The following NCALD variants were observed in gnomAD, a reference collection of about 807,000 sequenced individuals.
NCALD encodes neurocalcin delta, also known as neurocalcin-delta.
In NCALD, 10 loss-of-function variants were observed where a neutral mutation model predicts 18.6. The observed-to-expected ratio is 0.54, with a 90% CI of 0.33 to 0.91. The LOEUF (loss-of-function observed/expected upper bound fraction) is 0.91, where lower values mean the gene tolerates loss of function less well. Ranked by LOEUF, NCALD falls within the 40% of genes least tolerant of loss-of-function variation. The pLI is 0.03. For missense variants in NCALD, 184 were observed against 247.6 expected (o/e 0.74, Z 1.72); for synonymous variants, 88 against 87.4 (o/e 1.01, Z -0.04).
intron 4 of NCALD, among the ~76,000 whole-genome samples, chr8:101,855,603 A>G (rs1815283161): frequency 6.6e-6 from 1 of 152,184 alleles, no homozygotes; most frequent in Non-Finnish European, 1.5e-5. Context: ...TTGAATCTCA[A>G]GTTTAGAGGG....
intron 1 of NCALD, among the ~76,000 whole-genome samples, chr8:101,781,781 ATT>A (rs1268016328): frequency 6.6e-6 from 1 of 151,944 alleles, no homozygotes; most frequent in Non-Finnish European, 1.5e-5. Context: ...CTACCCAGGG[ATT>A]TGTTTTCTAT....
At chr8:102,042,806 T>G (rs1823098637) in intron 1 of NCALD, among the ~76,000 whole-genome samples, 1 of 148,130 alleles carries the variant, frequency 6.8e-6, no homozygotes, top group Non-Finnish European at 1.5e-5. Context: ...GCAGAGGGGG[T>G]TGGGGGATGT....
chr8:101,734,614 C>T (rs1816993691), intron 1 of NCALD, among the ~76,000 whole-genome samples: 1 of 152,188 alleles, frequency 6.6e-6, no homozygotes, highest in South Asian at 2.1e-4. Flanking sequence ...GCTTTTTGCT[C>T]TTCTGGATAA....
intron 3 of NCALD, among the ~76,000 whole-genome samples, chr8:101,888,863 G>A (rs1414265663): frequency 6.6e-6 from 1 of 152,160 alleles, no homozygotes; most frequent in Non-Finnish European, 1.5e-5. Flanking sequence ...TCAGCAGTGG[G>A]CAGGCATCCC....
chr8:101,700,059 C>CATTT (rs1484309417), intron 2 of NCALD, among the ~76,000 whole-genome samples: 2 of 112,144 alleles, frequency 1.8e-5, no homozygotes, highest in African/African-American at 2.8e-5. Context: ...TTTATTTATT[C>CATTT]ATTTATTTAT....
At chr8:101,950,437 G>A (rs890199957) in intron 2 of NCALD, 3 of 152,228 alleles carry the variant, frequency 2.0e-5, no homozygotes, top group African/African-American at 7.2e-5. Context: ...TTCATTGGAT[G>A]TCTTCTTAAG....
intron 4 of NCALD, among the ~76,000 whole-genome samples, chr8:101,844,167 A>G (rs918146132): frequency 1.3e-5 from 2 of 152,174 alleles, no homozygotes; most frequent in Admixed American, 1.3e-4. Context: ...GTGGAAGTGC[A>G]TATTCTCACT....
intron 4 of NCALD, among the ~76,000 whole-genome samples, chr8:101,857,331 C>T (rs1009979787): frequency 1.1e-4 from 17 of 152,136 alleles, no homozygotes; most frequent in African/African-American, 3.9e-4. Flanking sequence ...GCATGAATTT[C>T]CAGCATGGCT....
chr8:101,833,738 A>G (rs1814289418), intron 4 of NCALD, among the ~76,000 whole-genome samples: 1 of 152,102 alleles, frequency 6.6e-6, no homozygotes, highest in African/African-American at 2.4e-5. Context: ...AACTGAAAAA[A>G]AAGAAAAAGA....
intron 1 of NCALD, chr8:102,028,964 A>G (rs974813624): frequency 6.6e-6 from 1 of 152,234 alleles, no homozygotes; most frequent in African/African-American, 2.4e-5. Flanking sequence ...AACAACAGCT[A>G]ACCACATAAC....
intron 1 of NCALD, among the ~76,000 whole-genome samples, chr8:101,767,421 G>GA (rs1811395179): frequency 6.6e-6 from 1 of 152,170 alleles, no homozygotes; most frequent in African/African-American, 2.4e-5. Context: ...CAGGTCTTAG[G>GA]ATGACAATAA....
At chr8:101,874,486 T>C (rs533096320) in intron 4 of NCALD, among the ~76,000 whole-genome samples, 2 of 152,298 alleles carry the variant, frequency 1.3e-5, no homozygotes, top group Admixed American at 6.5e-5. Context: ...ACTTCTGCTA[T>C]ATCCCAACAA....
intron 2 of NCALD, among the ~76,000 whole-genome samples, chr8:101,951,522 A>T (rs1027684164): frequency 1.3e-5 from 2 of 152,156 alleles, no homozygotes; most frequent in Non-Finnish European, 2.9e-5. Flanking sequence ...ACTCTGCCTC[A>T]GATGGGGCTT....
In NCALD at chr8:102,053,668, T is replaced by C. The variant is rs1466123320; in HGVS notation, c.-209-33379A>G. 2.0e-5 allele frequency among the ~76,000 whole-genome samples: 3 copies of C among 152,228 alleles called. No individual in the cohort carries two copies. In the South Asian group the frequency reaches 6.2e-4, roughly 32 times the overall value. ...TAATACTAACATATACCAGAGGAAT[T>C]AGATGTCATTTCTCTTTGACTTTGA... On this transcript the variant is annotated intron_variant, in intron 1 of 6. Transcript: ENST00000311028.
chr8:101,799,795 C>T (rs930688260), intron 4 of NCALD, among the ~76,000 whole-genome samples: 29 of 152,154 alleles, frequency 1.9e-4, no homozygotes, highest in South Asian at 2.1e-4. Context: ...GGAAAGTACG[C>T]TGGCTATAAA....
intron 2 of NCALD, among the ~76,000 whole-genome samples, chr8:101,716,552 T>G (rs1200922927): frequency 6.6e-6 from 1 of 152,186 alleles, no homozygotes. Context: ...AATCTGCATA[T>G]GGTTTTGCTT....
intron 1 of NCALD, among the ~76,000 whole-genome samples, chr8:101,727,039 G>A (rs768841753): frequency 6.6e-6 from 1 of 152,188 alleles, no homozygotes; most frequent in Non-Finnish European, 1.5e-5. Flanking sequence ...TCAGTGTTGT[G>A]TCCTTCATGC....
At chr8:101,830,739 A>C (rs1286485867) in intron 4 of NCALD, among the ~76,000 whole-genome samples, 1 of 143,014 alleles carries the variant, frequency 7.0e-6, no homozygotes, top group Admixed American at 7.0e-5. Flanking sequence ...GGAGAGGAAT[A>C]CTTTTTTTTT....
At chr8:101,719,168 C>T in intron 2 of NCALD, 84 bp downstream of exon 2, 1 of 1,503,952 alleles carries the variant, frequency 6.6e-7, no homozygotes, top group African/African-American at 1.4e-5. Flanking sequence ...AGTTTGCAAC[C>T]TCTGCACCGT....
Sources: gnomAD v4.1 joint callset for allele counts (sites outside exome capture counted in the v4.1 genomes callset) on GRCh38, gnomAD v4.1.1 for gene constraint, MANE v1.5 for transcripts, NCBI Gene and HGNC (gene_info 2026-07-23, HGNC 2026-07-21) for gene names.